ANKRD44: variants seen among roughly 807,000 people sequenced by gnomAD.
ANKRD44 encodes serine/threonine-protein phosphatase 6 regulatory ankyrin repeat subunit B.
A neutral mutation model predicts 116.0 loss-of-function variants in ANKRD44; 35 were observed. The ratio of observed to expected loss-of-function variants is 0.30; its 90% CI spans 0.23 to 0.40. The LOEUF (loss-of-function observed/expected upper bound fraction) is 0.40. Ranked by LOEUF, ANKRD44 falls within the 10% of genes least tolerant of loss-of-function variation. The pLI is 1.00. For synonymous variants in ANKRD44, 435 were observed against 461.8 expected (o/e 0.94, Z 0.74); for missense variants, 1,014 against 1,242.6 (o/e 0.82, Z 2.77).
At chr2:197,304,410 C>A (rs2084008324) in intron 1 of ANKRD44, among the ~76,000 whole-genome samples, 1 of 152,200 alleles carries the variant, frequency 6.6e-6, no homozygotes, top group Non-Finnish European at 1.5e-5. Context: ...AAGTCATTGA[C>A]ATGGGTTAAA....
intron 2 of ANKRD44, among the ~76,000 whole-genome samples, chr2:197,160,200 CTCATTTTTCTTTT>C (rs1335893531): frequency 1.3e-5 from 2 of 152,182 alleles, no homozygotes; most frequent in Non-Finnish European, 2.9e-5. Flanking sequence ...AACCTGATTA[CTCATTTTTCTTTT>C]TCATTCTAAA....
Position 197,087,871 on chromosome 2 carries a change from C to T in ANKRD44, c.1247+840G>A, listed in dbSNP as rs904515638. 3.9e-5 allele frequency among the ~76,000 whole-genome samples: 6 copies of T among 152,000 alleles called. No individual in the cohort carries two copies. The South Asian group carries it at 6.2e-4, about 16-fold the overall frequency. On this transcript the variant is annotated intron_variant, in intron 12 of 27. Coordinates refer to ENST00000282272, the MANE Select transcript of ANKRD44 (RefSeq NM_001195144.2). ...GAAGGGGTCTTTTTTAAAAATAATA[C>T]AAAATTATGAATACAAATTTAGTTA...
chr2:197,073,193 C>T (rs2077596361), intron 16 of ANKRD44, among the ~76,000 whole-genome samples: 1 of 152,104 alleles, frequency 6.6e-6, no homozygotes, highest in African/African-American at 2.4e-5. Context: ...TGACTGGCAC[C>T]CTTCTGGCAG....
At chr2:197,139,850 G>T (rs555105769) in intron 3 of ANKRD44, among the ~76,000 whole-genome samples, 27 of 2,986 alleles carry the variant, frequency 9.0e-3, no homozygotes, top group South Asian at 0.022. Flanking sequence ...AGCTGCTTTT[G>T]TGTGTGTGTG....
chr2:197,304,277 A>G (rs1455846286), intron 1 of ANKRD44, among the ~76,000 whole-genome samples: 10 of 152,146 alleles, frequency 6.6e-5, no homozygotes, highest in Non-Finnish European at 7.4e-5. Flanking sequence ...TTGCACCACT[A>G]TACTCCAGCC....
intron 2 of ANKRD44, among the ~76,000 whole-genome samples, chr2:197,149,162 T>C (rs1282511150): frequency 2.6e-5 from 4 of 152,240 alleles, no homozygotes. Flanking sequence ...ACATGTTCTT[T>C]TGTGAACTGA....
At chr2:197,224,948 G>A (rs1171639395) in intron 1 of ANKRD44, among the ~76,000 whole-genome samples, 2 of 152,170 alleles carry the variant, frequency 1.3e-5, no homozygotes, top group Admixed American at 6.5e-5. Flanking sequence ...GATACAGATG[G>A]TGACTTCCTG....
intron 1 of ANKRD44, among the ~76,000 whole-genome samples, chr2:197,207,523 TA>T (rs1170095822): frequency 5.3e-5 from 8 of 152,328 alleles, no homozygotes; most frequent in African/African-American, 1.7e-4. Context: ...GAAAAACATA[TA>T]TTAGAAAATG....
intron 1 of ANKRD44, among the ~76,000 whole-genome samples, chr2:197,310,057 G>T (rs2084199330): frequency 6.6e-6 from 1 of 152,158 alleles, no homozygotes; most frequent in South Asian, 2.1e-4. Context: ...ACAGCCTGGC[G>T]CAACTAAAGA....
intron 16 of ANKRD44, among the ~76,000 whole-genome samples, chr2:197,052,449 CA>C (rs1244592280): frequency 6.6e-6 from 1 of 152,102 alleles, no homozygotes; most frequent in Non-Finnish European, 1.5e-5. Flanking sequence ...ACCCACATTA[CA>C]GATGTAGGCT....
intron 3 of ANKRD44, among the ~76,000 whole-genome samples, chr2:197,139,814 T>A (rs930579869): frequency 2.0e-5 from 3 of 151,532 alleles, no homozygotes; most frequent in East Asian, 3.9e-4. Flanking sequence ...TGTTTCTTAA[T>A]GAAAATAATG....
chr2:197,304,554 T>C (rs1337034273), intron 1 of ANKRD44, among the ~76,000 whole-genome samples: 1 of 152,102 alleles, frequency 6.6e-6, no homozygotes, highest in Non-Finnish European at 1.5e-5. Flanking sequence ...AGCATCGGTC[T>C]CCATTACAGG....
chr2:197,229,777 A>T (rs1373076259), intron 1 of ANKRD44, among the ~76,000 whole-genome samples: 1 of 152,168 alleles, frequency 6.6e-6, no homozygotes, highest in Non-Finnish European at 1.5e-5. Flanking sequence ...TACAATGCTA[A>T]ACTAGGGCTA....
chr2:197,187,268 T>TG (rs1669968423), intron 1 of ANKRD44, among the ~76,000 whole-genome samples, 162 bp from the exon 2 acceptor site: 1 of 152,054 alleles, frequency 6.6e-6, no homozygotes, highest in Non-Finnish European at 1.5e-5. Context: ...AGAAGTCCAG[T>TG]GGGGGAGATA....
chr2:197,071,955 G>A (rs370333157), intron 16 of ANKRD44, among the ~76,000 whole-genome samples: 26 of 152,110 alleles, frequency 1.7e-4, no homozygotes, highest in African/African-American at 5.8e-4. Flanking sequence ...TCCCTCCTGC[G>A]GCCTCAGTGC....
chr2:197,151,141 T>C (rs953105419), intron 2 of ANKRD44, among the ~76,000 whole-genome samples: 1 of 134,582 alleles, frequency 7.4e-6, no homozygotes, highest in Non-Finnish European at 1.6e-5. Flanking sequence ...AAAAAAAAAA[T>C]GGGTTTTAGA....
At chr2:197,290,808 G>T (rs57663636) in intron 1 of ANKRD44, among the ~76,000 whole-genome samples, 2 of 150,856 alleles carry the variant, frequency 1.3e-5, no homozygotes, top group Non-Finnish European at 2.9e-5. Context: ...TTTGTTTTTT[G>T]TTTTTTGTTT....
chr2:197,059,088 T>C (rs567679517), intron 16 of ANKRD44, among the ~76,000 whole-genome samples: 1 of 152,276 alleles, frequency 6.6e-6, no homozygotes, highest in South Asian at 2.1e-4. Context: ...GGTAATTTAC[T>C]TTCTGTCTCA....
intron 16 of ANKRD44, among the ~76,000 whole-genome samples, chr2:197,043,329 C>T (rs2076945593): frequency 6.6e-6 from 1 of 151,806 alleles, no homozygotes; most frequent in Admixed American, 6.6e-5. Flanking sequence ...CTTATTGTTC[C>T]CCATTATCTA....
Sources: allele counts gnomAD v4.1 joint callset (sites outside exome capture counted in the v4.1 genomes callset), GRCh38; gene constraint gnomAD v4.1.1; transcripts MANE v1.5; gene names NCBI Gene and HGNC (gene_info 2026-07-23, HGNC 2026-07-21).